The following TMEM132D variants were observed in gnomAD, a reference collection of about 807,000 sequenced individuals.
The protein encoded by TMEM132D is transmembrane protein 132D.
In TMEM132D, 21 loss-of-function variants were observed where a neutral mutation model predicts 62.3. The observed-to-expected ratio is 0.34, with a 90% confidence interval of 0.24 to 0.49. The LOEUF is 0.49. Ranked by LOEUF, TMEM132D falls within the 20% of genes least tolerant of loss-of-function variation. The pLI, the probability that TMEM132D is intolerant of heterozygous loss-of-function variation, is 0.99. For missense variants in TMEM132D, 1,346 were observed against 1,402.8 expected, an observed-to-expected ratio of 0.96 and a Z score of 0.65; for synonymous variants, 621 against 575.6, an observed-to-expected ratio of 1.08 and a Z score of -1.13.
At chr12:129,223,111 C>T (rs931210044) in intron 4 of TMEM132D, among the ~76,000 whole-genome samples, 10 of 152,080 alleles carry the variant, frequency 6.6e-5, no homozygotes, top group Non-Finnish European at 1.2e-4. Context: ...AACATGTCTG[C>T]AGATTCTTCG....
At position 129,321,054 on chromosome 12, in the gene TMEM132D, A is replaced by T. The variant is rs538952606; in HGVS notation, c.1299+16580T>A. Among the ~76,000 whole-genome samples the T allele has an allele frequency of 2.6e-5, 4 of 152,120 alleles. No individual in the cohort carries two copies. In the East Asian group the frequency reaches 7.7e-4, roughly 29 times the overall value. ...TAGCTTTATTATCTTTTTCTCTATC[A>T]TCTATATTCATAACCATACTTTACC... On this transcript the variant is annotated intron_variant, in intron 4 of 8. Transcript: ENST00000422113.
In TMEM132D at chr12:129,815,209, C is replaced by G. The variant is rs114251902; in HGVS notation, c.79+88052G>C. Among the ~76,000 whole-genome samples, 1,199 of 152,264 alleles carry G rather than the reference C, an allele frequency of 7.9e-3. 21 individuals carry two copies. The highest frequency in any genetic ancestry group is 0.028 in the African/African-American group (1,157 of 41,544). ...TATATACATGTGATGGATTCATACG[C>G]AGCTATTAAGAGAGTAATTTAGCTC... On this transcript the variant is annotated intron_variant, in intron 1 of 8. Transcript: ENST00000422113.
chr12:129,143,525 G>C (rs1312917592), intron 5 of TMEM132D, among the ~76,000 whole-genome samples: 1 of 152,182 alleles, frequency 6.6e-6, no homozygotes, highest in East Asian at 1.9e-4. Flanking sequence ...TAATCAAGTA[G>C]AGTCCTGCCT....
intron 1 of TMEM132D, among the ~76,000 whole-genome samples, chr12:129,760,638 C>T (rs1335798635): frequency 8.6e-6 from 1 of 116,652 alleles, no homozygotes; most frequent in East Asian, 2.7e-4. Flanking sequence ...TGAGTCACTG[C>T]GCCCGGACTT....
At chr12:129,256,508 C>A (rs1017697416) in intron 4 of TMEM132D, among the ~76,000 whole-genome samples, 1 of 152,030 alleles carries the variant, frequency 6.6e-6, no homozygotes, top group African/African-American at 2.4e-5. Context: ...GCAACCTCCG[C>A]CTCCCAGCAT....
chr12:129,093,502 G>A (rs1412496436), intron 5 of TMEM132D, among the ~76,000 whole-genome samples: 1 of 152,070 alleles, frequency 6.6e-6, no homozygotes, highest in African/African-American at 2.4e-5. Context: ...TCTTCAAGGA[G>A]AACTACAAAC....
intron 5 of TMEM132D, among the ~76,000 whole-genome samples, chr12:129,169,398 G>A (rs1593283816): frequency 6.6e-6 from 1 of 152,230 alleles, no homozygotes; most frequent in Non-Finnish European, 1.5e-5. Context: ...CAGCCATCAT[G>A]TGACAGTGAG....
intron 3 of TMEM132D, among the ~76,000 whole-genome samples, chr12:129,500,498 G>A (rs1342555045): frequency 6.6e-6 from 1 of 152,176 alleles, no homozygotes; most frequent in Non-Finnish European, 1.5e-5. Flanking sequence ...TGCATTCTCA[G>A]TTGCTCTTTC....
chr12:129,229,417 T>C (rs534427305), intron 4 of TMEM132D, among the ~76,000 whole-genome samples: 182 of 152,340 alleles, frequency 1.2e-3, no homozygotes, highest in Non-Finnish European at 1.9e-3. Flanking sequence ...CCAGCATGAA[T>C]ATTTAATTTA....
At position 129,827,740 on chromosome 12, in the gene TMEM132D, G is replaced by GC. The variant is rs199944696; in HGVS notation, c.79+75520dup. Among the ~76,000 whole-genome samples the GC allele has an allele frequency of 7.4e-3, 1,121 of 152,254 alleles. 10 individuals are homozygous for GC. Among genetic ancestry groups the GC allele is most frequent in the Non-Finnish European group, 9.0e-3 (613 of 68,032 alleles). On this transcript the variant is annotated intron_variant, in intron 1 of 8. Transcript: ENST00000422113. This position sits in a 1 kb window ranked among gnomAD's most constrained non-coding sequence, Gnocchi z 9.7. ...GTTTGTCACTGGAAGTTAATCTTTA[G>GC]CCCCCTCACCTCAGTTAAGTGCATT...
intron 5 of TMEM132D, among the ~76,000 whole-genome samples, chr12:129,182,727 T>C (rs1878103293): frequency 6.6e-6 from 1 of 152,268 alleles, no homozygotes; most frequent in Admixed American, 6.5e-5. Flanking sequence ...TGACCAAATG[T>C]CTGGGCACTG....
intron 5 of TMEM132D, among the ~76,000 whole-genome samples, chr12:129,094,515 TA>T (rs1415094620): frequency 6.6e-6 from 1 of 152,154 alleles, no homozygotes; most frequent in Non-Finnish European, 1.5e-5. Flanking sequence ...TGGTGATCAT[TA>T]AAAAGTCAAG....
chr12:129,518,545 G>A (rs1472999722), intron 3 of TMEM132D, among the ~76,000 whole-genome samples: 5 of 49,938 alleles, frequency 1.0e-4, no homozygotes, highest in Non-Finnish European at 1.7e-4. Context: ...ACACATGTGC[G>A]TGTGTGTGTG....
chr12:129,240,586 T>A (rs975683916), intron 4 of TMEM132D, among the ~76,000 whole-genome samples: 7 of 152,242 alleles, frequency 4.6e-5, no homozygotes, highest in Non-Finnish European at 1.0e-4. Context: ...CAGAATGATT[T>A]CTTCGTGATT....
At chr12:129,221,747 C>T (rs999862163) in intron 4 of TMEM132D, among the ~76,000 whole-genome samples, 3 of 152,144 alleles carry the variant, frequency 2.0e-5, no homozygotes, top group African/African-American at 7.2e-5. Flanking sequence ...CAACCAATCA[C>T]CCTGTCCTTG....
chr12:129,485,957 C>T (rs148467847), intron 3 of TMEM132D, among the ~76,000 whole-genome samples: 241 of 152,304 alleles, frequency 1.6e-3, no homozygotes, highest in African/African-American at 5.1e-3. Context: ...CCTCCACATT[C>T]CCCAGGCTTC....
At chr12:129,304,023 A>T (rs2135629549) in intron 4 of TMEM132D, among the ~76,000 whole-genome samples, 1 of 152,272 alleles carries the variant, frequency 6.6e-6, no homozygotes, top group East Asian at 1.9e-4. Context: ...CAGAGGGTGG[A>T]TCTTTACTTG....
chr12:129,826,363 A>G (rs114710098), intron 1 of TMEM132D, among the ~76,000 whole-genome samples: 59 of 152,292 alleles, frequency 3.9e-4, no homozygotes, highest in African/African-American at 1.3e-3. Flanking sequence ...TTTGTTTGAT[A>G]CAGCATGACA....
intron 1 of TMEM132D, among the ~76,000 whole-genome samples, chr12:129,720,212 T>TGACA (rs1406330766): frequency 6.6e-6 from 1 of 152,056 alleles, no homozygotes; most frequent in Non-Finnish European, 1.5e-5. Flanking sequence ...AATACTGGAG[T>TGACA]GACACAGCAA....
Sources: gnomAD v4.1 joint callset for allele counts (sites outside exome capture counted in the v4.1 genomes callset) on GRCh38, gnomAD v4.1.1 for gene constraint, Gnocchi (gnomAD v3.1) non-coding constraint, MANE v1.5 for transcripts, NCBI Gene and HGNC (gene_info 2026-07-23, HGNC 2026-07-21) for gene names.